The following TMEM50A variants were observed in gnomAD, a reference collection of about 807,000 sequenced individuals.
The protein encoded by TMEM50A is cervical cancer oncogene 9.
TMEM50A carries 8 observed loss-of-function variants against 23.9 expected under a neutral mutation model. The ratio of observed to expected loss-of-function variants is 0.33; its 90% CI spans 0.20 to 0.60. TMEM50A has a LOEUF of 0.60. Among genes scored for constraint, TMEM50A ranks in the 20% least tolerant of loss-of-function variants. The probability of loss-of-function intolerance (pLI) is 0.81; values close to 1 mark genes in which losing one functional copy is unlikely to be tolerated. For synonymous variants in TMEM50A, 55 were observed against 60.4 expected (o/e 0.91, Z 0.41); for missense variants, 178 against 192.7 (o/e 0.92, Z 0.45).
At chr1:25,356,398 C>CT (rs1261830578) in intron 5 of TMEM50A, among the ~76,000 whole-genome samples, 1 of 152,172 alleles carries the variant, frequency 6.6e-6, no homozygotes, top group East Asian at 1.9e-4. Flanking sequence ...CCAGTGTCAC[C>CT]TTCTCATGGG....
In TMEM50A at chr1:25,361,965, C is replaced by T. The variant is rs1035439505; in HGVS notation, c.*1260C>T. On this transcript the variant is annotated 3_prime_UTR_variant, in exon 7 of 7. Transcript: ENST00000374358. Reference sequence around the variant, plus strand: ...AGGGAACAGACCATGGAAATTTAAACGACTTCCTCACGGTCACAGAACTAG... The same window carrying T: ...AGGGAACAGACCATGGAAATTTAAATGACTTCCTCACGGTCACAGAACTAG... 5.7e-6 allele frequency: 1 copy of T among 174,162 alleles called. No homozygotes were observed. Among genetic ancestry groups the T allele is most frequent in the Admixed American group, 5.5e-5 (1 of 18,036 alleles). The allele number at this position is 174,162 out of a possible 1,614,324, so 10.8% of individuals were successfully genotyped here.
intron 3 of TMEM50A, among the ~76,000 whole-genome samples, chr1:25,349,512 G>C (rs190809448): frequency 2.6e-5 from 4 of 152,242 alleles, no homozygotes; most frequent in Non-Finnish European, 5.9e-5. Context: ...ATTTAGTACT[G>C]TACAGAGATC....
intron 3 of TMEM50A, among the ~76,000 whole-genome samples, chr1:25,348,555 C>T (rs1009725502): frequency 4.6e-5 from 7 of 151,832 alleles, no homozygotes; most frequent in African/African-American, 1.7e-4. Flanking sequence ...TGTGGTGACA[C>T]GCGCCTGTGG....
intron 4 of TMEM50A, 141 bp from the exon 5 acceptor site, chr1:25,352,741 A>G: frequency 3.0e-6 from 2 of 677,228 alleles, no homozygotes; most frequent in Non-Finnish European, 4.9e-6. Context: ...GAAGATGTTT[A>G]ACACATCCTT....
Position 25,342,954 on chromosome 1 carries a change from GT to G in TMEM50A, c.94-3del. The G allele has an allele frequency of 1.2e-6, 2 of 1,608,658 alleles. No individual in the cohort carries two copies. The highest frequency in any genetic ancestry group is 1.7e-6 in the Non-Finnish European group (2 of 1,177,878). On this transcript the variant is annotated splice_polypyrimidine_tract_variant and splice_region_variant and intron_variant, in intron 2 of 6. Coordinates refer to ENST00000374358, the MANE Select transcript of TMEM50A (RefSeq NM_014313.4). ...ATGATTTCTCATTGGTATCACCTTT[GT>G]TTTAGTTTTTTACAGGCTGGTGGAT...
chr1:25,356,419 C>T (rs1202235369), intron 5 of TMEM50A, among the ~76,000 whole-genome samples: 1 of 152,178 alleles, frequency 6.6e-6, no homozygotes, highest in African/African-American at 2.4e-5. Flanking sequence ...GTCTTCCTGG[C>T]CATCTGTGTC....
chr1:25,345,182 C>T (rs957153468), intron 3 of TMEM50A, among the ~76,000 whole-genome samples: 7 of 150,868 alleles, frequency 4.6e-5, no homozygotes, highest in African/African-American at 1.7e-4. Context: ...TGGTGGCTCA[C>T]GCCTGTAATC....
chr1:25,352,796 T>G (rs1645286558), intron 4 of TMEM50A, 86 bp from the exon 5 acceptor site: 9 of 1,306,090 alleles, frequency 6.9e-6, no homozygotes, highest in Non-Finnish European at 9.5e-6. Flanking sequence ...ACTTTTTTTT[T>G]TTCTGTTTGG....
chr1:25,340,335 C>A, intron 1 of TMEM50A, 139 bp from the exon 2 acceptor site: 1 of 558,886 alleles, frequency 1.8e-6, no homozygotes, highest in African/African-American at 1.9e-5. Context: ...ATCAAATATT[C>A]TGAAGAAGTA....
chr1:25,356,992 G>A (rs1037903007), intron 6 of TMEM50A, 139 bp downstream of exon 6: 3 of 615,912 alleles, frequency 4.9e-6, no homozygotes, highest in Non-Finnish European at 8.2e-6. Context: ...TGGAGAGTAA[G>A]GTTGAGAAGG....
At chr1:25,345,978 G>A (rs1645211513) in intron 3 of TMEM50A, among the ~76,000 whole-genome samples, 1 of 151,512 alleles carries the variant, frequency 6.6e-6, no homozygotes, top group African/African-American at 2.4e-5. Context: ...CTGTAGAGAC[G>A]GGTTTCACCA....
In TMEM50A at chr1:25,362,001, C is replaced by A; in HGVS notation, c.*1296C>A. The A allele has an allele frequency of 5.4e-6, 1 of 185,234 alleles. No individual in the cohort carries two copies. The highest frequency in any genetic ancestry group is 1.1e-5 in the Non-Finnish European group (1 of 87,968). 11.5% of individuals were successfully genotyped at this position (185,234 alleles called of 1,614,324 possible). ...CGGTCACAGAACTAGTTTTTTAATCCTCAGGCAGTGCATCCCCCCACCCTA... is the reference window on the plus strand; with the variant it reads ...CGGTCACAGAACTAGTTTTTTAATCATCAGGCAGTGCATCCCCCCACCCTA... On this transcript the variant is annotated 3_prime_UTR_variant, in exon 7 of 7. Transcript: ENST00000374358.
chr1:25,356,774 A>G lies in TMEM50A; in HGVS notation c.368-19A>G, dbSNP rs1229271081. The G allele has an allele frequency of 6.4e-7, 1 of 1,557,878 alleles. No individual in the cohort carries two copies. The highest frequency in any genetic ancestry group is 2.1e-5 in the Admixed American group (1 of 48,276). ...GTTTTGAGATCATAACCCTCTAAAC[A>G]CTGCAATTATTTTTACAGAAAAAGA... On this transcript the variant is annotated intron_variant, in intron 5 of 6. Coordinates refer to ENST00000374358, the MANE Select transcript of TMEM50A (RefSeq NM_014313.4).
chr1:25,351,596 T>G, intron 3 of TMEM50A, 30 bp from the exon 4 acceptor site: 1 of 1,584,604 alleles, frequency 6.3e-7, no homozygotes, highest in Non-Finnish European at 8.6e-7. Context: ...TCATGGACCC[T>G]GATTTCTTGG....
chr1:25,360,104 C>T (rs185661045), intron 6 of TMEM50A, among the ~76,000 whole-genome samples: 283 of 152,270 alleles, frequency 1.9e-3, no homozygotes, highest in Non-Finnish European at 3.3e-3. Context: ...AATCCCAGCA[C>T]TTTGGGAGGC....
chr1:25,341,536 G>T (rs972566290), intron 2 of TMEM50A, among the ~76,000 whole-genome samples: 1 of 152,066 alleles, frequency 6.6e-6, no homozygotes, highest in Non-Finnish European at 1.5e-5. Flanking sequence ...GTGAGCCACC[G>T]CGCCTGGCCT....
intron 4 of TMEM50A, 94 bp downstream of exon 4, chr1:25,351,787 T>C: frequency 9.6e-7 from 1 of 1,045,300 alleles, no homozygotes; most frequent in Non-Finnish European, 1.4e-6. Context: ...TGTTTTAATA[T>C]ATCTGTGAGT....
In TMEM50A at chr1:25,360,956, G is replaced by T; in HGVS notation, c.*251G>T. 3 of 368,492 alleles carry T rather than the reference G, an allele frequency of 8.1e-6. No homozygotes were observed. Among genetic ancestry groups the T allele is most frequent in the South Asian group, 5.9e-5 (1 of 17,012 alleles). The allele number at this position is 368,492 out of a possible 1,614,324, so 22.8% of individuals were successfully genotyped here. The stretch of plus-strand genomic sequence containing the variant: ...AATAATTTTTGTCAAATTTTATCAT[G>T]GTATAATTTGTAAAAATAAAAAGAA... On this transcript the variant is annotated 3_prime_UTR_variant, in exon 7 of 7. Transcript: ENST00000374358.
At chr1:25,340,380 TTTATC>T (rs1424223178) in intron 1 of TMEM50A, 89 bp from the exon 2 acceptor site, 2 of 737,210 alleles carry the variant, frequency 2.7e-6, no homozygotes, top group South Asian at 2.0e-5. Flanking sequence ...TAATTTCACT[TTTATC>T]TAATTATTCC....
Sources: allele counts gnomAD v4.1 joint callset (sites outside exome capture counted in the v4.1 genomes callset), GRCh38; gene constraint gnomAD v4.1.1; transcripts MANE v1.5; gene names NCBI Gene and HGNC (gene_info 2026-07-23, HGNC 2026-07-21).